NUDT9: variants seen among roughly 807,000 people sequenced by gnomAD.
NUDT9 encodes ADP-ribose pyrophosphatase.
In NUDT9, 31 loss-of-function variants were observed where a neutral mutation model predicts 41.0. The ratio of observed to expected loss-of-function variants is 0.76; its 90% confidence interval spans 0.57 to 1.02. The LOEUF is 1.02. Among genes scored for constraint, NUDT9 ranks in the 50% least tolerant of loss-of-function variants. NUDT9 has a pLI of 0.00. For synonymous variants in NUDT9, 146 were observed against 147.6 expected (o/e 0.99, Z 0.08); for missense variants, 380 against 431.4 (o/e 0.88, Z 1.06).
At chr4:87,450,047 A>G (rs1722637231) in intron 5 of NUDT9, among the ~76,000 whole-genome samples, 1 of 152,036 alleles carries the variant, frequency 6.6e-6, no homozygotes, top group African/African-American at 2.4e-5. Context: ...TAATTTTAGT[A>G]GAGACAGGTT....
chr4:87,457,281 G>T (rs1001944725), intron 7 of NUDT9, among the ~76,000 whole-genome samples: 1 of 145,422 alleles, frequency 6.9e-6, no homozygotes, highest in Non-Finnish European at 1.5e-5. Context: ...CTGTTGCCAG[G>T]CTGGAGTGCA....
chr4:87,440,934 G>C (rs1722179131), intron 3 of NUDT9, among the ~76,000 whole-genome samples: 1 of 152,074 alleles, frequency 6.6e-6, no homozygotes, highest in Non-Finnish European at 1.5e-5. Flanking sequence ...CAGCTGGGCA[G>C]GTGTCTTGTC....
chr4:87,432,158 A>T (rs1368786004), intron 1 of NUDT9, among the ~76,000 whole-genome samples: 2 of 152,202 alleles, frequency 1.3e-5, no homozygotes, highest in African/African-American at 4.8e-5. Flanking sequence ...AATGCTTGAG[A>T]CCAGAGCGGT....
chr4:87,423,018 C>A lies in NUDT9; in HGVS notation c.107+6C>A. The A allele has an allele frequency of 6.2e-7, 1 of 1,608,354 alleles. No individual in the cohort carries two copies. Among genetic ancestry groups the A allele is most frequent in the Non-Finnish European group, 8.5e-7 (1 of 1,176,266 alleles). ...CGCGGCATCCAGGCGTTCAGGTATTCCACCCTCCTACTACCGGCTCCTTTG... is the reference window on the plus strand; with the variant it reads ...CGCGGCATCCAGGCGTTCAGGTATTACACCCTCCTACTACCGGCTCCTTTG... On this transcript the variant is annotated splice_donor_region_variant and intron_variant, in intron 1 of 7. Coordinates refer to ENST00000302174, the MANE Select transcript of NUDT9 (RefSeq NM_024047.5).
Position 87,454,398 on chromosome 4 carries a change from C to G in NUDT9, c.817C>G (p.Arg273Gly), listed in dbSNP as rs746699081. The G allele has an allele frequency of 5.0e-6, 8 of 1,611,754 alleles. No homozygotes were observed. The highest frequency in any genetic ancestry group is 4.0e-5 in the African/African-American group (3 of 74,972). The part of the protein sequence containing the change: ...VIYKGYVDDP[R>G]NTDNAWMETE... ...ATATAAGGGATATGTTGATGATCCT[C>G]GAAACACTGATAATGCATGGATGGA... The change falls in exon 7 of 8, where the codon CGA (arginine) becomes GGA (glycine). Residue 273 changes from arginine to glycine, a missense_variant. Coordinates refer to ENST00000302174, the MANE Select transcript of NUDT9 (RefSeq NM_024047.5).
chr4:87,447,476 G>GTTTT (rs11310721), intron 4 of NUDT9, among the ~76,000 whole-genome samples: 2 of 143,162 alleles, frequency 1.4e-5, no homozygotes, highest in Non-Finnish European at 3.1e-5. Flanking sequence ...AGCATTGGAA[G>GTTTT]TTTTTTTTTT....
At chr4:87,438,802 A>G (rs1722068577) in intron 3 of NUDT9, among the ~76,000 whole-genome samples, 1 of 152,210 alleles carries the variant, frequency 6.6e-6, no homozygotes, top group Admixed American at 6.5e-5. Context: ...TGATTTTCCT[A>G]TACAACTCAA....
At chr4:87,430,017 G>A (rs1721610247) in intron 1 of NUDT9, among the ~76,000 whole-genome samples, 1 of 152,158 alleles carries the variant, frequency 6.6e-6, no homozygotes, top group South Asian at 2.1e-4. Flanking sequence ...GTGCAGAGGT[G>A]GTTAAGGTTA....
chr4:87,456,111 C>T (rs1722979882), intron 7 of NUDT9, among the ~76,000 whole-genome samples: 1 of 152,104 alleles, frequency 6.6e-6, no homozygotes, highest in Non-Finnish European at 1.5e-5. Context: ...CTAAAATTTC[C>T]TCTAGTTTTG....
rs1467040440 is a variant in NUDT9 at position 87,434,518 on chromosome 4, C to A, written c.108-463C>A. On this transcript the variant is annotated intron_variant, in intron 1 of 7. Coordinates refer to ENST00000302174, the MANE Select transcript of NUDT9 (RefSeq NM_024047.5). ...AAAAAAATGTATATTTGAAAATAATCTCTCATAGATGTTGGACCTTTAGAC... is the reference window on the plus strand; with the variant it reads ...AAAAAAATGTATATTTGAAAATAATATCTCATAGATGTTGGACCTTTAGAC... The A allele has an allele frequency of 2.7e-5, 4 of 148,478 alleles. No individual in the cohort carries two copies. In the Admixed American group the frequency reaches 2.7e-4, roughly 10 times the overall value. The allele number at this position is 148,478 out of a possible 1,614,324, so 9.2% of individuals were successfully genotyped here.
intron 1 of NUDT9, among the ~76,000 whole-genome samples, chr4:87,425,415 A>G (rs1721368102): frequency 1.7e-5 from 2 of 114,524 alleles, no homozygotes; most frequent in African/African-American, 3.5e-5. Context: ...TTTTTTTGAG[A>G]TGGAGTCTTG....
chr4:87,441,571 A>G (rs1722202097), intron 3 of NUDT9, among the ~76,000 whole-genome samples: 1 of 152,202 alleles, frequency 6.6e-6, no homozygotes, highest in Non-Finnish European at 1.5e-5. Flanking sequence ...ACTGAAACAA[A>G]TCATCACATT....
intron 1 of NUDT9, among the ~76,000 whole-genome samples, chr4:87,426,829 A>C (rs1419537025): frequency 6.6e-6 from 1 of 151,318 alleles, no homozygotes; most frequent in South Asian, 2.1e-4. Flanking sequence ...TGAGCCTAGG[A>C]GTTCAGGACC....
chr4:87,444,193 T>C (rs1722344883), intron 4 of NUDT9, among the ~76,000 whole-genome samples: 1 of 152,204 alleles, frequency 6.6e-6, no homozygotes, highest in African/African-American at 2.4e-5. Flanking sequence ...TATCCTCATA[T>C]TGTTACTTTC....
intron 7 of NUDT9, among the ~76,000 whole-genome samples, chr4:87,456,869 T>G (rs562446206): frequency 2.0e-5 from 3 of 152,274 alleles, no homozygotes; most frequent in South Asian, 4.2e-4. Flanking sequence ...ACGCGGAGGT[T>G]GCAGTGAGCC....
At chr4:87,456,419 TA>T (rs1722993060) in intron 7 of NUDT9, among the ~76,000 whole-genome samples, 1 of 152,150 alleles carries the variant, frequency 6.6e-6, no homozygotes, top group African/African-American at 2.4e-5. Flanking sequence ...TAGGGCTTGG[TA>T]AAATAGTTTT....
At chr4:87,448,349 G>T (rs1241425392) in intron 4 of NUDT9, among the ~76,000 whole-genome samples, 1 of 151,838 alleles carries the variant, frequency 6.6e-6, no homozygotes, top group East Asian at 1.9e-4. Context: ...TCACCATGTT[G>T]GCCAGGCTGG....
At chr4:87,429,438 GC>G (rs74373350) in intron 1 of NUDT9, among the ~76,000 whole-genome samples, 17,733 of 152,080 alleles carry the variant, frequency 0.12, 1,115 homozygotes, top group East Asian at 0.23. Context: ...ACAGACGTGA[GC>G]CACTGTGCCC....
At chr4:87,434,527 A>G (rs1233931054) in intron 1 of NUDT9, 2 of 151,388 alleles carry the variant, frequency 1.3e-5, no homozygotes, top group Non-Finnish European at 2.9e-5. Flanking sequence ...TCTCTCATAG[A>G]TGTTGGACCT....
Sources: allele counts gnomAD v4.1 joint callset (sites outside exome capture counted in the v4.1 genomes callset), GRCh38; gene constraint gnomAD v4.1.1; transcripts MANE v1.5; gene names NCBI Gene and HGNC (gene_info 2026-07-23, HGNC 2026-07-21).